HS3ST4: variants seen among roughly 807,000 people sequenced by gnomAD.
The protein encoded by HS3ST4 is heparan sulfate-glucosamine 3-sulfotransferase 4.
HS3ST4 carries 17 observed loss-of-function variants against 29.2 expected under a neutral mutation model. That is an observed-to-expected ratio of 0.58 (90% CI 0.40 to 0.87). The LOEUF (loss-of-function observed/expected upper bound fraction) is 0.87, where lower values mean the gene tolerates loss of function less well. Among genes scored for constraint, HS3ST4 ranks in the 40% least tolerant of loss-of-function variants. The pLI, the probability that HS3ST4 is intolerant of heterozygous loss-of-function variation, is 0.00. For missense variants in HS3ST4, 627 were observed against 634.5 expected (o/e 0.99, Z 0.13); for synonymous variants, 314 against 285.7 (o/e 1.10, Z -1.00).
intron 1 of HS3ST4, among the ~76,000 whole-genome samples, chr16:26,064,665 T>C (rs1898522167): frequency 6.8e-6 from 1 of 146,036 alleles, no homozygotes; most frequent in South Asian, 2.3e-4. Flanking sequence ...TTGCCTGGGC[T>C]GAAGTGCAAT....
chr16:26,039,666 A>G (rs1969617540), intron 1 of HS3ST4, among the ~76,000 whole-genome samples: 1 of 152,118 alleles, frequency 6.6e-6, no homozygotes. Context: ...CTGTCATTCT[A>G]TAAAATAGTA....
intron 1 of HS3ST4, among the ~76,000 whole-genome samples, chr16:25,707,509 A>T (rs553577423): frequency 1.1e-4 from 17 of 152,270 alleles, no homozygotes; most frequent in African/African-American, 3.6e-4. Context: ...TCCTCTGTAG[A>T]TGAGGGGGCA....
At chr16:25,867,533 G>T (rs535499660) in intron 1 of HS3ST4, among the ~76,000 whole-genome samples, 1 of 152,250 alleles carries the variant, frequency 6.6e-6, no homozygotes, top group African/African-American at 2.4e-5. Flanking sequence ...CTGTTTTAAA[G>T]TTGTATATCC....
rs550581772 is a variant in HS3ST4, at chr16:25,888,534, G to A, written c.734+195383G>A. On this transcript the variant is annotated intron_variant, in intron 1 of 1. Transcript: ENST00000331351. ...TCCAAGACTGAGCAGCATTGGCTCTGTCTGTCCTTCCTTGGGCCACGTGCA... is the reference window on the plus strand; with the variant it reads ...TCCAAGACTGAGCAGCATTGGCTCTATCTGTCCTTCCTTGGGCCACGTGCA... Among the ~76,000 whole-genome samples the A allele has an allele frequency of 2.0e-5, 3 of 152,314 alleles. No individual in the cohort carries two copies. The East Asian group carries it at 5.8e-4, about 29-fold the overall frequency.
intron 1 of HS3ST4, among the ~76,000 whole-genome samples, chr16:25,773,692 G>A (rs1245834142): frequency 1.3e-5 from 2 of 152,180 alleles, no homozygotes; most frequent in Non-Finnish European, 2.9e-5. Context: ...GTGGTTTTTG[G>A]TGACATGGAT....
At chr16:25,840,897 T>C (rs1286631672) in intron 1 of HS3ST4, among the ~76,000 whole-genome samples, 1 of 152,134 alleles carries the variant, frequency 6.6e-6, no homozygotes, top group African/African-American at 2.4e-5. Context: ...CAAGTAAGCT[T>C]ATTGGTCTAA....
At chr16:26,068,344 A>G (rs1215191007) in intron 1 of HS3ST4, among the ~76,000 whole-genome samples, 1 of 152,196 alleles carries the variant, frequency 6.6e-6, no homozygotes, top group East Asian at 1.9e-4. Flanking sequence ...GTGACATGGC[A>G]TCAATGATGT....
chr16:25,726,323 T>C, intron 1 of HS3ST4, among the ~76,000 whole-genome samples: 1 of 151,628 alleles, frequency 6.6e-6, no homozygotes, highest in South Asian at 2.1e-4. Flanking sequence ...CACACACACG[T>C]ACACACACAT....
chr16:26,104,731 C>T (rs374220373), intron 1 of HS3ST4, among the ~76,000 whole-genome samples: 1 of 152,162 alleles, frequency 6.6e-6, no homozygotes, highest in Admixed American at 6.5e-5. Flanking sequence ...AATTAAAATG[C>T]CCAAAGGAAA....
chr16:25,891,658 C>T (rs978867625), intron 1 of HS3ST4, among the ~76,000 whole-genome samples: 1 of 152,140 alleles, frequency 6.6e-6, no homozygotes, highest in African/African-American at 2.4e-5. Context: ...GGGGAGGAAA[C>T]GTAAGCCCCA....
At chr16:25,830,865 C>T (rs898378581) in intron 1 of HS3ST4, among the ~76,000 whole-genome samples, 5 of 152,120 alleles carry the variant, frequency 3.3e-5, no homozygotes, top group Non-Finnish European at 5.9e-5. Context: ...CATTTTTAAT[C>T]CGTTCACACA....
intron 1 of HS3ST4, among the ~76,000 whole-genome samples, chr16:26,107,076 A>T (rs1362115962): frequency 6.6e-6 from 1 of 151,810 alleles, no homozygotes. Context: ...CTCTGTTCTG[A>T]TCTGACAGTG....
chr16:25,781,535 AC>A (rs1479614368), intron 1 of HS3ST4, among the ~76,000 whole-genome samples: 1 of 152,234 alleles, frequency 6.6e-6, no homozygotes, highest in African/African-American at 2.4e-5. Flanking sequence ...TCACATCTAG[AC>A]CATGGACACA....
intron 1 of HS3ST4, among the ~76,000 whole-genome samples, chr16:25,889,503 T>A (rs12446773): frequency 0.18 from 27,052 of 152,186 alleles, 3,108 homozygotes; most frequent in Non-Finnish European, 0.26. Flanking sequence ...GTTGAAATCA[T>A]GTGAATGAAC....
intron 1 of HS3ST4, among the ~76,000 whole-genome samples, chr16:25,745,255 C>T (rs1282635399): frequency 6.6e-6 from 1 of 152,036 alleles, no homozygotes. Context: ...CAATCTTGGC[C>T]ACACATTTTT....
At chr16:25,868,263 C>T (rs956900771) in intron 1 of HS3ST4, among the ~76,000 whole-genome samples, 8 of 152,240 alleles carry the variant, frequency 5.3e-5, no homozygotes, top group Non-Finnish European at 1.0e-4. Context: ...AGACTTAGAA[C>T]TTTGGCGGCT....
chr16:25,877,014 A>G (rs1379326371), intron 1 of HS3ST4, among the ~76,000 whole-genome samples: 9 of 152,106 alleles, frequency 5.9e-5, no homozygotes, highest in Admixed American at 5.9e-4. Context: ...TGTGCTAGGT[A>G]TACAGTAAGT....
intron 1 of HS3ST4, among the ~76,000 whole-genome samples, chr16:25,778,642 C>T (rs968758986): frequency 6.6e-6 from 1 of 151,880 alleles, no homozygotes; most frequent in African/African-American, 2.4e-5. Context: ...ATGAGTGGGC[C>T]TCATCCAATC....
Position 25,907,836 on chromosome 16 carries a change from G to C in HS3ST4, c.734+214685G>C, listed in dbSNP as rs569009069. On this transcript the variant is annotated intron_variant, in intron 1 of 1. Coordinates refer to ENST00000331351, the MANE Select transcript of HS3ST4 (RefSeq NM_006040.3). ...AAAGACTGTGATAAACCAAAGATGC[G>C]TACAGCTTCATCAGCCAAAAGGACA... is the stretch of plus-strand genomic sequence containing the variant. Among the ~76,000 whole-genome samples, 3 of 152,284 alleles carry C rather than the reference G, an allele frequency of 2.0e-5. No homozygotes were observed. In the East Asian group the frequency reaches 5.8e-4, roughly 29 times the overall value.
Sources: gnomAD v4.1 joint callset for allele counts (sites outside exome capture counted in the v4.1 genomes callset) on GRCh38, gnomAD v4.1.1 for gene constraint, MANE v1.5 for transcripts, NCBI Gene and HGNC (gene_info 2026-07-23, HGNC 2026-07-21) for gene names.